The following RELA variants were observed in gnomAD, a reference collection of about 807,000 sequenced individuals.
RELA encodes RELA proto-oncogene, NF-kB subunit, also known as transcription factor p65.
RELA carries 14 observed loss-of-function variants against 56.7 expected under a neutral mutation model. That is an observed-to-expected ratio of 0.25 (90% CI 0.16 to 0.39). RELA has a LOEUF of 0.39. Among genes scored for constraint, RELA ranks in the 10% least tolerant of loss-of-function variants. The pLI is 1.00. For synonymous variants in RELA, 315 were observed against 289.7 expected (o/e 1.09, Z -0.89); for missense variants, 559 against 736.4 (o/e 0.76, Z 2.79).
Position 65,658,367 on chromosome 11 carries a change from A to G in RELA, c.797T>C (p.Val266Ala). Residue 266 changes from valine to alanine, a missense_variant, in exon 8 of 11, where the codon GTG (valine) becomes GCG (alanine). This residue lies in a region of RELA where 365 missense variants were observed against 387.5 expected (regional missense o/e 0.94). Coordinates refer to ENST00000406246, the MANE Select transcript of RELA (RefSeq NM_021975.4). This position sits in a 1 kb window ranked among gnomAD's most constrained non-coding sequence, Gnocchi z 4.5. ...PYADPSLQAP[V>A]RVSMQLRRPS... is the part of the protein sequence containing the mutation. ...CCGCCGCAGCTGCATGGAGACACGC[A>G]CAGGAGCCTGCAGGCTGGGGTCTGC... 2 of 1,613,874 alleles carry G rather than the reference A, an allele frequency of 1.2e-6. No individual in the cohort carries two copies. The highest frequency in any genetic ancestry group is 1.7e-6 in the Non-Finnish European group (2 of 1,179,950).
chr11:65,656,053 C>G, intron 8 of RELA, 118 bp from the exon 9 acceptor site: 1 of 814,150 alleles, frequency 1.2e-6, no homozygotes, highest in Non-Finnish European at 2.1e-6. Flanking sequence ...ATTCTCCCAA[C>G]CTTCTCTGCC....
At chr11:65,659,370 G>C (rs913337412) in intron 6 of RELA, among the ~76,000 whole-genome samples, 5 of 152,138 alleles carry the variant, frequency 3.3e-5, no homozygotes, top group Non-Finnish European at 7.3e-5. Flanking sequence ...ATTTCCTAGA[G>C]TCATTATCGC....
chr11:65,663,043 A>C (rs1013951771), upstream of RELA: 9 of 277,346 alleles, frequency 3.2e-5, no homozygotes, highest in East Asian at 5.6e-4. Flanking sequence ...GGCTGCACGC[A>C]CAGCCGCTGC....
Position 65,662,841 on chromosome 11 carries a change from T to C in RELA, c.-9A>G. On this transcript the variant is annotated 5_prime_UTR_variant, in exon 1 of 11. Coordinates refer to ENST00000406246, the MANE Select transcript of RELA (RefSeq NM_021975.4). ...GCGACCTCACCGTCCATGGCCGGGG[T>C]CCCGGGGGCGGGGCCGGGGTCGCAG... is the stretch of plus-strand genomic sequence containing the variant. 1 of 1,197,046 alleles carries C rather than the reference T, an allele frequency of 8.4e-7. No homozygotes were observed. The highest frequency in any genetic ancestry group is 1.0e-6 in the Non-Finnish European group (1 of 965,608). 74.2% of individuals were successfully genotyped at this position (1,197,046 alleles called of 1,614,324 possible). A position where few individuals can be genotyped will look rare whatever the true frequency, so the allele number is the denominator to read the frequency against.
intron 8 of RELA, among the ~76,000 whole-genome samples, chr11:65,656,754 G>A (rs1388705203): frequency 6.6e-6 from 1 of 152,208 alleles, no homozygotes; most frequent in Non-Finnish European, 1.5e-5. Flanking sequence ...GCCAGGCGTG[G>A]TGGCTCACGC....
chr11:65,662,439 G>A (rs1856595837), intron 1 of RELA: 1 of 530,148 alleles, frequency 1.9e-6, no homozygotes, highest in Non-Finnish European at 3.3e-6. Context: ...GCTGAATCAG[G>A]GCCTGTTGTA....
At position 65,660,136 on chromosome 11, in the gene RELA, T is replaced by G; in HGVS notation, c.415A>C (p.Asn139His). The change falls in exon 5 of 11, where the codon AAC becomes CAC. Residue 139 changes from asparagine to histidine, a missense_variant. Coordinates refer to ENST00000406246, the MANE Select transcript of RELA (RefSeq NM_021975.4). ...GGTTTGCCCTCACCTTGGAAGGGGT[T>G]GTTGTTGGTCTGGATGCGCTGACTG... ...AISQRIQTNN[N>H]PFQVPIEEQR... is the part of the protein sequence containing the mutation. 1.9e-6 allele frequency: 3 copies of G among 1,614,008 alleles called. No homozygotes were observed. Among genetic ancestry groups the G allele is most frequent in the Non-Finnish European group, 2.5e-6 (3 of 1,179,934 alleles).
At chr11:65,660,239 C>T in intron 4 of RELA, 24 bp from the exon 5 acceptor site, 1 of 1,610,916 alleles carries the variant, frequency 6.2e-7, no homozygotes, top group Non-Finnish European at 8.5e-7. Context: ...GTCGTCTGTC[C>T]CACTGTCTCT....
Position 65,654,980 on chromosome 11 carries a change from T to C in RELA, c.1054A>G (p.Thr352Ala), listed in dbSNP as rs1481868107. The C allele has an allele frequency of 6.2e-7, 1 of 1,601,944 alleles. No homozygotes were observed. The highest frequency in any genetic ancestry group is 8.5e-7 in the Non-Finnish European group (1 of 1,175,022). ...PKPAPQPYPF[T>A]SSLSTINYDE... ...TAGTTGATGGTGCTCAGGGATGACG[T>C]AAAGGGATAGGGCTGGGGTGCTGGA... The change falls in exon 11 of 11, where the codon ACG (threonine) becomes GCG (alanine). Residue 352 changes from threonine to alanine, a missense_variant. Transcript: ENST00000406246.
rs1197454271 is a variant in RELA, at chr11:65,654,144, G to C, written c.*234C>G. 3.8e-5 allele frequency: 23 copies of C among 601,460 alleles called. No individual in the cohort carries two copies. The highest frequency in any genetic ancestry group is 2.7e-4 in the South Asian group (15 of 56,084). 37.3% of individuals were successfully genotyped at this position (601,460 alleles called of 1,614,324 possible). On this transcript the variant is annotated 3_prime_UTR_variant, in exon 11 of 11. Transcript: ENST00000406246. ...CCATCAGGACAGGGGAAAAGTTTGA[G>C]TTTCCCCAGCTCCCCCCTTTCCAGA...
At position 65,662,810 on chromosome 11, in the gene RELA, C is replaced by A; in HGVS notation, c.7+16G>T. 8.3e-7 allele frequency: 1 copy of A among 1,200,474 alleles called. No homozygotes were observed. The highest frequency in any genetic ancestry group is 4.2e-5 in the South Asian group (1 of 24,094). 74.4% of individuals were successfully genotyped at this position (1,200,474 alleles called of 1,614,324 possible). On this transcript the variant is annotated intron_variant, in intron 1 of 10. Coordinates refer to ENST00000406246, the MANE Select transcript of RELA (RefSeq NM_021975.4). ...CCCCGGCGATGCCACCCCGCGGGGT[C>A]AGAGGGCGACCTCACCGTCCATGGC...
At position 65,658,480 on chromosome 11, in the gene RELA, G is replaced by A. The variant is rs1856485414; in HGVS notation, c.684C>T (p.Phe228=). The A allele has an allele frequency of 6.2e-7, 1 of 1,610,116 alleles. No individual in the cohort carries two copies. Among genetic ancestry groups the A allele is most frequent in the Non-Finnish European group, 8.5e-7 (1 of 1,177,174 alleles). ...KVQKEDIEVY[F]TGPGWEARGS... The stretch of plus-strand genomic sequence containing the variant: ...CTCGGGCCTCCCAGCCTGGTCCCGT[G>A]AAATACACCTCAATGTCCTCTGCAG... Residue 228 remains phenylalanine, a synonymous_variant, in exon 8 of 11, where the codon TTC becomes TTT. Transcript: ENST00000406246. The surrounding 1 kb of genome is among the most constrained non-coding windows in gnomAD (Gnocchi z 4.5).
At chr11:65,662,298 C>A in intron 1 of RELA, 93 bp from the exon 2 acceptor site, 1 of 1,398,528 alleles carries the variant, frequency 7.2e-7, no homozygotes, top group Non-Finnish European at 9.4e-7. Context: ...AGCCAGGCTC[C>A]CTCCCAGGGG....
chr11:65,655,821 C>G, intron 9 of RELA, 34 bp downstream of exon 9: 1 of 1,613,446 alleles, frequency 6.2e-7, no homozygotes. Context: ...CTGCCCGCTG[C>G]CTTCCTCTCT....
chr11:65,661,894 G>T (rs764342495), intron 3 of RELA, 43 bp downstream of exon 3: 2 of 1,604,932 alleles, frequency 1.2e-6, no homozygotes, highest in Non-Finnish European at 1.7e-6. Flanking sequence ...AGAGGGCTGG[G>T]GTTCCACAGT....
chr11:65,661,662 G>A, intron 4 of RELA, 25 bp downstream of exon 4: 1 of 1,544,790 alleles, frequency 6.5e-7, no homozygotes, highest in Non-Finnish European at 8.8e-7. Context: ...CTCATGCTGG[G>A]CCTCCTAGCC....
rs1856568392 is a variant in RELA, at chr11:65,661,614, A to G, written c.335+73T>C. ...TCTGCCCTGGGTCCAGAAAGGAGTAACACTGTAGCGGCTACTTCATAGCCC... is the reference window on the plus strand; with the variant it reads ...TCTGCCCTGGGTCCAGAAAGGAGTAGCACTGTAGCGGCTACTTCATAGCCC... On this transcript the variant is annotated intron_variant, in intron 4 of 10. Transcript: ENST00000406246. 13 of 1,414,366 alleles carry G rather than the reference A, an allele frequency of 9.2e-6. No individual in the cohort carries two copies. In the South Asian group the frequency reaches 1.7e-4, roughly 19 times the overall value. The allele number at this position is 1,414,366 out of a possible 1,614,324, so 87.6% of individuals were successfully genotyped here. A position where few individuals can be genotyped will look rare whatever the true frequency, so the allele number is the denominator to read the frequency against.
In RELA at chr11:65,655,951, G is replaced by A; in HGVS notation, c.878-16C>T. 1.2e-6 allele frequency: 2 copies of A among 1,611,704 alleles called. No individual in the cohort carries two copies. Among genetic ancestry groups the A allele is most frequent in the Non-Finnish European group, 1.7e-6 (2 of 1,178,014 alleles). On this transcript the variant is annotated splice_polypyrimidine_tract_variant and intron_variant, in intron 8 of 10. Coordinates refer to ENST00000406246, the MANE Select transcript of RELA (RefSeq NM_021975.4). ...TGACGATCGTCTGGGAAAGTAAGGG[G>A]GAGAAGTGGGACTTGCTCTCCTCAG...
In RELA at chr11:65,656,148, G is replaced by C. The variant is rs1474535926; in HGVS notation, c.878-213C>G. Among the ~76,000 whole-genome samples, 5 of 152,184 alleles carry C rather than the reference G, an allele frequency of 3.3e-5. No individual in the cohort carries two copies. The East Asian group carries it at 9.6e-4, about 29-fold the overall frequency. ...CTGTTGGCTGAATCTGCCCCTCTAA[G>C]ACCACATGGTGAGGCCGAGTACAGG... On this transcript the variant is annotated intron_variant, in intron 8 of 10. Coordinates refer to ENST00000406246, the MANE Select transcript of RELA (RefSeq NM_021975.4).
Sources: gnomAD v4.1 joint callset for allele counts (sites outside exome capture counted in the v4.1 genomes callset) on GRCh38, gnomAD v4.1.1 for gene constraint, gnomAD v4.1.1 regional missense constraint, Gnocchi (gnomAD v3.1) non-coding constraint, MANE v1.5 for transcripts, NCBI Gene and HGNC (gene_info 2026-07-23, HGNC 2026-07-21) for gene names.